PIKFYVE: variants seen among roughly 807,000 people sequenced by gnomAD.
PIKFYVE encodes the protein phosphoinositide kinase, FYVE-type zinc finger containing, also known as 1-phosphatidylinositol 3-phosphate 5-kinase.
A neutral mutation model predicts 257.9 loss-of-function variants in PIKFYVE; 122 were observed. The observed-to-expected ratio is 0.47, with a 90% CI of 0.41 to 0.55. PIKFYVE has a LOEUF of 0.55. Ranked by LOEUF, PIKFYVE falls within the 20% of genes least tolerant of loss-of-function variation. The pLI, the probability that PIKFYVE is intolerant of heterozygous loss-of-function variation, is 0.00. For synonymous variants in PIKFYVE, 892 were observed against 868.9 expected, an observed-to-expected ratio of 1.03 and a Z score of -0.47; for missense variants, 2,160 against 2,536.6, an observed-to-expected ratio of 0.85 and a Z score of 3.19.
rs144573813 is a variant in PIKFYVE at position 208,336,116 on chromosome 2, C to G, written c.4436C>G (p.Thr1479Ser). The G allele has an allele frequency of 3.9e-4, 624 of 1,613,854 alleles. No homozygotes were observed. The highest frequency in any genetic ancestry group is 5.0e-4 in the Non-Finnish European group (589 of 1,179,936). The change falls in exon 27 of 42, where the codon ACC becomes AGC. Residue 1479 changes from threonine to serine, a missense_variant. Physicochemically the swap from Thr to Ser is moderately conservative, Grantham distance 58. This residue lies in a region of PIKFYVE where 699 missense variants were observed against 855.8 expected (regional missense o/e 0.82). Transcript: ENST00000264380. ...AGGCTCATGTCTTCCTCTGTAGATA[C>G]CCCTCAGCAACTGCAGTCGGTCTTT... ...QARLMSSSVD[T>S]PQQLQSVFES...
Position 208,292,518 on chromosome 2 carries a change from G to A in PIKFYVE, c.911+3700G>A, listed in dbSNP as rs192230714. On this transcript the variant is annotated intron_variant, in intron 7 of 41. Transcript: ENST00000264380. ...CATATTAAGGATTGTTCTGTCTTTT[G>A]GAATATTGATTTCTTTATCATTATG... is the stretch of plus-strand genomic sequence containing the variant. 4.6e-5 allele frequency among the ~76,000 whole-genome samples: 7 copies of A among 152,032 alleles called. No homozygotes were observed. The East Asian group carries it at 1.4e-3, about 29-fold the overall frequency.
At chr2:208,354,466 A>G (rs6435453) in intron 40 of PIKFYVE, 105 bp from the exon 41 acceptor site, 1,072,757 of 1,107,304 alleles carry the variant, frequency 0.97, 520,847 homozygotes, top group Non-Finnish European at 0.98. Context: ...AGCACTCAAT[A>G]AAAGTTAACT....
chr2:208,347,819 G>C (rs1247471072), intron 34 of PIKFYVE, 40 bp from the exon 35 acceptor site: 2 of 1,538,894 alleles, frequency 1.3e-6, no homozygotes, highest in Admixed American at 1.9e-5. Flanking sequence ...CATCTGTAGT[G>C]ACCTGTACTT....
chr2:208,279,213 G>A (rs1224032325), intron 5 of PIKFYVE, among the ~76,000 whole-genome samples: 1 of 152,102 alleles, frequency 6.6e-6, no homozygotes, highest in Non-Finnish European at 1.5e-5. Context: ...TTTGAGAAGT[G>A]TCTGTTCATG....
intron 5 of PIKFYVE, 67 bp downstream of exon 5, chr2:208,277,775 G>T (rs1690297797): frequency 6.5e-7 from 1 of 1,548,710 alleles, no homozygotes; most frequent in South Asian, 1.1e-5. Flanking sequence ...TATAATACAG[G>T]ATAGTGTTAA....
intron 1 of PIKFYVE, among the ~76,000 whole-genome samples, chr2:208,267,253 C>T (rs1688759917): frequency 1.3e-5 from 2 of 150,014 alleles, no homozygotes; most frequent in South Asian, 4.2e-4. Flanking sequence ...CCTTTTTTGG[C>T]ACTCCAAAAC....
chr2:208,292,063 TTTTACA>T (rs1692384689), intron 7 of PIKFYVE, among the ~76,000 whole-genome samples: 1 of 152,192 alleles, frequency 6.6e-6, no homozygotes, highest in Admixed American at 6.5e-5. Context: ...ATGTATTTTT[TTTTACA>T]AGTGTGTTGT....
chr2:208,337,680 T>G (rs1698287067), intron 28 of PIKFYVE, among the ~76,000 whole-genome samples: 1 of 152,078 alleles, frequency 6.6e-6, no homozygotes, highest in South Asian at 2.1e-4. Flanking sequence ...AAAGTGTGGT[T>G]CAAGGACTCC....
chr2:208,297,118 G>T (rs997253031), intron 7 of PIKFYVE, among the ~76,000 whole-genome samples: 2 of 152,176 alleles, frequency 1.3e-5, no homozygotes, highest in Non-Finnish European at 2.9e-5. Flanking sequence ...TAGGAAAGAC[G>T]TAATTTAGTC....
intron 9 of PIKFYVE, among the ~76,000 whole-genome samples, chr2:208,301,920 G>A (rs1693738307): frequency 6.6e-6 from 1 of 152,122 alleles, no homozygotes; most frequent in South Asian, 2.1e-4. Context: ...CTCCTTGAAG[G>A]TAGGAGCTTT....
intron 15 of PIKFYVE, among the ~76,000 whole-genome samples, chr2:208,315,810 ACTT>A (rs1695437544): frequency 6.7e-6 from 1 of 150,008 alleles, no homozygotes; most frequent in Non-Finnish European, 1.5e-5. Context: ...CAATTCATAA[ACTT>A]CTTAAAACAT....
At chr2:208,346,803 T>C (rs1350956662) in intron 34 of PIKFYVE, among the ~76,000 whole-genome samples, 1 of 152,254 alleles carries the variant, frequency 6.6e-6, no homozygotes, top group Non-Finnish European at 1.5e-5. Flanking sequence ...AGCATTGTTA[T>C]AACATTAGGG....
chr2:208,355,034 G>T (rs1700077720), intron 41 of PIKFYVE, among the ~76,000 whole-genome samples, 156 bp from the exon 42 acceptor site: 1 of 152,196 alleles, frequency 6.6e-6, no homozygotes, highest in South Asian at 2.1e-4. Context: ...TTGTCCCATG[G>T]CATGTGGCAC....
chr2:208,344,476 A>G (rs1051893390), intron 32 of PIKFYVE, among the ~76,000 whole-genome samples: 1 of 152,160 alleles, frequency 6.6e-6, no homozygotes, highest in African/African-American at 2.4e-5. Context: ...TTTATTTAAT[A>G]GTCATAATAT....
In PIKFYVE at chr2:208,347,900, G is replaced by A; in HGVS notation, c.5251G>A (p.Ala1751Thr). ...SGMLSFFRGT[A>T]GKSPDLSSQK... ...AATGTTGTCCTTCTTCAGAGGGACAGCAGGGAAAAGCCCCGATCTCTCTTC... is the reference window on the plus strand; with the variant it reads ...AATGTTGTCCTTCTTCAGAGGGACAACAGGGAAAAGCCCCGATCTCTCTTC... Residue 1751 changes from alanine to threonine, a missense_variant, in exon 35 of 42, where the codon GCA becomes ACA. Ala to Thr is a moderately conservative substitution (Grantham distance 58, BLOSUM62 0). Around this residue, in one of 12 missense-constraint regions of PIKFYVE, gnomAD observed 699 missense variants for 855.8 expected, o/e 0.82. Coordinates refer to ENST00000264380, the MANE Select transcript of PIKFYVE (RefSeq NM_015040.4). 1.9e-6 allele frequency: 3 copies of A among 1,613,862 alleles called. 1 individual carries two copies. In the South Asian group the frequency reaches 3.3e-5, roughly 18 times the overall value.
Position 208,329,755 on chromosome 2 carries a change from T to G in PIKFYVE, c.3720-87T>G, listed in dbSNP as rs1242936985. 2.6e-6 allele frequency: 4 copies of G among 1,560,484 alleles called. No individual in the cohort carries two copies. The African/African-American group carries it at 5.4e-5, about 21-fold the overall frequency. ...ATACTTCATTGTAAGTACCATACAT[T>G]TAATAGGTAATCATAATTTGTGGTC... On this transcript the variant is annotated intron_variant, in intron 21 of 41. Coordinates refer to ENST00000264380, the MANE Select transcript of PIKFYVE (RefSeq NM_015040.4).
intron 3 of PIKFYVE, 137 bp from the exon 4 acceptor site, chr2:208,276,575 C>A: frequency 1.6e-6 from 1 of 616,380 alleles, no homozygotes; most frequent in African/African-American, 1.9e-5. Flanking sequence ...CTTGTTTTAA[C>A]TCTCAATTCA....
chr2:208,340,238 A>G, intron 31 of PIKFYVE, 107 bp downstream of exon 31: 1 of 1,356,508 alleles, frequency 7.4e-7, no homozygotes, highest in Non-Finnish European at 1.0e-6. Context: ...TCAATCCTAA[A>G]TTTTATTTCA....
In PIKFYVE at chr2:208,357,800, A is replaced by T. The variant is rs548954146; in HGVS notation, c.*2495A>T. 1 of 152,346 alleles carries T rather than the reference A, an allele frequency of 6.6e-6. No homozygotes were observed. Among genetic ancestry groups the T allele is most frequent in the Admixed American group, 6.5e-5 (1 of 15,306 alleles). The allele number at this position is 152,346 out of a possible 1,614,324, so 9.4% of individuals were successfully genotyped here. On this transcript the variant is annotated 3_prime_UTR_variant, in exon 42 of 42. Transcript: ENST00000264380. Reference sequence around the variant, plus strand: ...GGCCTAGAGTATATTCTGAAAATTTAGGAATGAGGAAGAAATCTTAATACT... The same window carrying T: ...GGCCTAGAGTATATTCTGAAAATTTTGGAATGAGGAAGAAATCTTAATACT...
Sources: gnomAD v4.1 joint callset for allele counts (sites outside exome capture counted in the v4.1 genomes callset) on GRCh38, gnomAD v4.1.1 for gene constraint, gnomAD v4.1.1 regional missense constraint, MANE v1.5 for transcripts, NCBI Gene and HGNC (gene_info 2026-07-23, HGNC 2026-07-21) for gene names.